Variants in PCED1B observed in about 807,000 individuals in gnomAD.
The protein encoded by PCED1B is PC-esterase domain-containing protein 1B.
For missense variants in PCED1B, 573 were observed against 573.9 expected (o/e 1.00, Z 0.02); for synonymous variants, 251 against 246.1 (o/e 1.02, Z -0.19).
chr12:47,196,976 A>G (rs572875346), intron 2 of PCED1B, among the ~76,000 whole-genome samples: 17 of 152,022 alleles, frequency 1.1e-4, no homozygotes, highest in African/African-American at 4.1e-4. Flanking sequence ...ATCCTTAGAT[A>G]AAATAGAAAA....
chr12:47,112,876 G>T (rs1939259089), intron 2 of PCED1B, among the ~76,000 whole-genome samples: 1 of 152,190 alleles, frequency 6.6e-6, no homozygotes, highest in Admixed American at 6.5e-5. Context: ...GCCTCAGCCT[G>T]CAGAGAGCGG....
chr12:47,213,584 C>T (rs747713964), intron 2 of PCED1B, among the ~76,000 whole-genome samples: 7 of 152,138 alleles, frequency 4.6e-5, no homozygotes, highest in Non-Finnish European at 8.8e-5. Flanking sequence ...ATGGTAATGG[C>T]TTGCATAAAG....
chr12:47,204,188 A>T (rs1473847966), intron 2 of PCED1B, among the ~76,000 whole-genome samples: 1 of 152,116 alleles, frequency 6.6e-6, no homozygotes, highest in Non-Finnish European at 1.5e-5. Flanking sequence ...ATCTTAAATG[A>T]TCTGCCCGCT....
chr12:47,218,939 G>A (rs1137520), intron 3 of PCED1B, among the ~76,000 whole-genome samples: 21,593 of 151,910 alleles, frequency 0.14, 3,128 homozygotes, highest in African/African-American at 0.38. Flanking sequence ...TCAGGAGTTC[G>A]AGACCAGCCT....
chr12:47,136,150 A>G (rs1216728336), intron 2 of PCED1B, among the ~76,000 whole-genome samples: 1 of 118,016 alleles, frequency 8.5e-6, no homozygotes, highest in Non-Finnish European at 1.8e-5. Context: ...CCTTTATTAT[A>G]ATCATCTTTC....
intron 2 of PCED1B, among the ~76,000 whole-genome samples, chr12:47,169,561 T>C (rs1941653008): frequency 6.6e-6 from 1 of 152,202 alleles, no homozygotes; most frequent in Non-Finnish European, 1.5e-5. Flanking sequence ...TTTGCCCCAT[T>C]GGATTTGGAG....
At chr12:47,182,818 A>G (rs896214252) in intron 2 of PCED1B, among the ~76,000 whole-genome samples, 1 of 152,158 alleles carries the variant, frequency 6.6e-6, no homozygotes, top group Non-Finnish European at 1.5e-5. Flanking sequence ...CTCACTCGCC[A>G]CACCATACTG....
At chr12:47,148,141 G>T (rs1940859989) in intron 2 of PCED1B, among the ~76,000 whole-genome samples, 1 of 152,102 alleles carries the variant, frequency 6.6e-6, no homozygotes, top group Non-Finnish European at 1.5e-5. Context: ...CAAACAGACG[G>T]GACCAAACTC....
In PCED1B at chr12:47,157,662, T is replaced by C. The variant is rs567746374; in HGVS notation, c.-526+53467T>C. 2.6e-5 allele frequency among the ~76,000 whole-genome samples: 4 copies of C among 152,336 alleles called. No individual in the cohort carries two copies. The South Asian group carries it at 6.2e-4, about 24-fold the overall frequency. On this transcript the variant is annotated intron_variant, in intron 2 of 3. Coordinates refer to ENST00000546455, the MANE Select transcript of PCED1B (RefSeq NM_138371.3). ...TATATGTAACATAAAATGTATCATC[T>C]TAACCATTTTTTAATGTATAGATCA... is the stretch of plus-strand genomic sequence containing the variant.
At position 47,212,146 on chromosome 12, in the gene PCED1B, C is replaced by T. The variant is rs1249719906; in HGVS notation, c.-525-4076C>T. 3.3e-5 allele frequency among the ~76,000 whole-genome samples: 5 copies of T among 151,118 alleles called. No homozygotes were observed. The East Asian group carries it at 9.7e-4, about 29-fold the overall frequency. ...ACTAGCAGGGCATGGTGGCTCACTC[C>T]TGTGGTCCCAGCTACTGGGGGTAGG... On this transcript the variant is annotated intron_variant, in intron 2 of 3. Transcript: ENST00000546455.
chr12:47,172,340 C>CTTTTTTTTTTTTTTTTTTTTTTT (rs34230051), intron 2 of PCED1B, among the ~76,000 whole-genome samples: 2 of 78,338 alleles, frequency 2.6e-5, no homozygotes, highest in Non-Finnish European at 4.9e-5. Context: ...TCGTGGGTTG[C>CTTTTTTTTTTTTTTTTTTTTTTT]TTTTTTTTTT....
intron 1 of PCED1B, among the ~76,000 whole-genome samples, chr12:47,103,245 G>A (rs932910540): frequency 2.0e-5 from 3 of 152,180 alleles, no homozygotes; most frequent in Admixed American, 1.3e-4. Context: ...TATAGGTCAC[G>A]CAATATCTGT....
intron 2 of PCED1B, among the ~76,000 whole-genome samples, chr12:47,211,206 T>C (rs1273724813): frequency 2.6e-5 from 4 of 152,186 alleles, no homozygotes; most frequent in Admixed American, 2.6e-4. Flanking sequence ...CTACAGAACA[T>C]AGAGAAGACC....
At chr12:47,222,067 C>A (rs1476764113) in intron 3 of PCED1B, among the ~76,000 whole-genome samples, 1 of 146,784 alleles carries the variant, frequency 6.8e-6, no homozygotes, top group African/African-American at 2.5e-5. Flanking sequence ...CGCACCATGG[C>A]ACTCCAGCCT....
chr12:47,099,887 C>T (rs1167856667), intron 1 of PCED1B, among the ~76,000 whole-genome samples: 1 of 152,224 alleles, frequency 6.6e-6, no homozygotes, highest in Non-Finnish European at 1.5e-5. Flanking sequence ...AGGCTCCAAT[C>T]CATTCCATGC....
chr12:47,206,719 C>G (rs1942921974), intron 2 of PCED1B: 3 of 151,690 alleles, frequency 2.0e-5, no homozygotes, highest in Admixed American at 6.6e-5. Context: ...CCAGCCTGGT[C>G]AATATAGCGA....
intron 2 of PCED1B, among the ~76,000 whole-genome samples, chr12:47,181,927 G>A (rs1942107988): frequency 6.6e-6 from 1 of 152,148 alleles, no homozygotes; most frequent in South Asian, 2.1e-4. Context: ...CAAGATCAGT[G>A]CAGAAGTGCA....
chr12:47,226,400 G>T (rs1943632934), intron 3 of PCED1B, among the ~76,000 whole-genome samples: 1 of 152,168 alleles, frequency 6.6e-6, no homozygotes, highest in South Asian at 2.1e-4. Flanking sequence ...GATGGAGTGA[G>T]TCTCGCTCTG....
intron 2 of PCED1B, among the ~76,000 whole-genome samples, chr12:47,185,139 A>C (rs2137623206): frequency 6.6e-6 from 1 of 152,310 alleles, no homozygotes; most frequent in Non-Finnish European, 1.5e-5. Flanking sequence ...CTTTATATGG[A>C]TTGAACTGTG....
Sources: gnomAD v4.1 joint callset for allele counts (sites outside exome capture counted in the v4.1 genomes callset) on GRCh38, gnomAD v4.1.1 for gene constraint, MANE v1.5 for transcripts, NCBI Gene and HGNC (gene_info 2026-07-23, HGNC 2026-07-21) for gene names.